Variants in DSCAM observed in about 807,000 individuals in gnomAD.
DSCAM encodes the protein DS cell adhesion molecule.
DSCAM carries 47 observed loss-of-function variants against 217.7 expected under a neutral mutation model. The observed-to-expected ratio is 0.22, with a 90% confidence interval of 0.17 to 0.28. The LOEUF is 0.28. DSCAM is among the 10% of genes least tolerant of loss of function. DSCAM has a pLI of 1.00. For synonymous variants in DSCAM, 1,056 were observed against 1,015.3 expected (o/e 1.04, Z -0.76); for missense variants, 2,080 against 2,618.3 (o/e 0.79, Z 4.49).
At chr21:40,171,860 T>C (rs915128830) in intron 15 of DSCAM, among the ~76,000 whole-genome samples, 3 of 152,190 alleles carry the variant, frequency 2.0e-5, no homozygotes, top group Non-Finnish European at 2.9e-5. Flanking sequence ...AAAATTACAG[T>C]CCAAAGCCGA....
intron 4 of DSCAM, among the ~76,000 whole-genome samples, chr21:40,357,133 T>C (rs1005540282): frequency 6.6e-6 from 1 of 152,286 alleles, no homozygotes; most frequent in East Asian, 1.9e-4. Context: ...TGCATGACTA[T>C]AGGGCTCCAG....
At chr21:40,358,911 A>C (rs1037961953) in intron 4 of DSCAM, among the ~76,000 whole-genome samples, 6 of 152,192 alleles carry the variant, frequency 3.9e-5, no homozygotes, top group African/African-American at 1.4e-4. Context: ...TCCAAAAAAT[A>C]TTAAAAATGC....
At chr21:40,480,531 CAA>C (rs1231215896) in intron 3 of DSCAM, among the ~76,000 whole-genome samples, 2 of 152,084 alleles carry the variant, frequency 1.3e-5, no homozygotes, top group Non-Finnish European at 2.9e-5. Flanking sequence ...GAAACATAGT[CAA>C]GAGGAATTTT....
At chr21:40,102,227 A>C (rs1601331223) in intron 20 of DSCAM, among the ~76,000 whole-genome samples, 1 of 152,330 alleles carries the variant, frequency 6.6e-6, no homozygotes. Context: ...AAGATGCCTA[A>C]AAAATAAATG....
chr21:40,643,285 T>C (rs546949879), intron 3 of DSCAM, among the ~76,000 whole-genome samples: 13 of 152,332 alleles, frequency 8.5e-5, no homozygotes, highest in African/African-American at 2.9e-4. Context: ...CCTGACTTCT[T>C]CTTGTTTTAT....
chr21:40,253,970 G>C (rs1466617665), intron 11 of DSCAM, among the ~76,000 whole-genome samples: 1 of 152,214 alleles, frequency 6.6e-6, no homozygotes, highest in Non-Finnish European at 1.5e-5. Flanking sequence ...CAGAAGTGTG[G>C]GAAGCCTGGG....
intron 3 of DSCAM, among the ~76,000 whole-genome samples, chr21:40,458,229 GA>G (rs570380974): frequency 6.6e-6 from 1 of 152,030 alleles, no homozygotes; most frequent in African/African-American, 2.4e-5. Context: ...AGCAACTGAG[GA>G]AAAAAATGCC....
intron 20 of DSCAM, among the ~76,000 whole-genome samples, chr21:40,104,639 A>G (rs1342395691): frequency 6.6e-6 from 1 of 152,188 alleles, no homozygotes; most frequent in Non-Finnish European, 1.5e-5. Flanking sequence ...GTCATCAAAC[A>G]TTTGTCCAAA....
chr21:40,126,030 T>G (rs1280153275), intron 19 of DSCAM, among the ~76,000 whole-genome samples: 1 of 152,216 alleles, frequency 6.6e-6, no homozygotes, highest in Non-Finnish European at 1.5e-5. Context: ...TTGTATTTGT[T>G]TCCAACCTGT....
chr21:40,428,532 A>G (rs2075498873), intron 3 of DSCAM, among the ~76,000 whole-genome samples: 1 of 152,010 alleles, frequency 6.6e-6, no homozygotes, highest in Non-Finnish European at 1.5e-5. Context: ...AGCCTCCAAA[A>G]GTGCTGGGAT....
rs1568886663 is a variant in DSCAM, at chr21:40,013,210, A to G, written c.5863T>C (p.Ser1955Pro). 1 of 1,613,234 alleles carries G rather than the reference A, an allele frequency of 6.2e-7. No homozygotes were observed. The highest frequency in any genetic ancestry group is 8.5e-7 in the Non-Finnish European group (1 of 1,179,740). Residue 1955 changes from serine (S) to proline (P), a missense_variant, in exon 33 of 33, where the codon TCC (serine) becomes CCC (proline). Physicochemically the swap from Ser to Pro is moderately conservative, Grantham distance 74. Transcript: ENST00000400454. ...CACGACTGTCCTTCTCTCGTGGAGG[A>G]GGCGGAGGAGGCGGCTTCCATCGGG... ...PIPMEAASSA[S>P]STREGQSWQP...
chr21:40,148,729 A>G (rs1163984918), intron 16 of DSCAM, among the ~76,000 whole-genome samples: 1 of 151,956 alleles, frequency 6.6e-6, no homozygotes, highest in Non-Finnish European at 1.5e-5. Flanking sequence ...CACTACTACC[A>G]TCTTTACCAC....
Position 40,758,047 on chromosome 21 carries a change from T to C in DSCAM, c.44-49276A>G, listed in dbSNP as rs564089924. 1.8e-3 allele frequency among the ~76,000 whole-genome samples: 272 copies of C among 152,244 alleles called. 1 individual carries two copies. Among genetic ancestry groups the C allele is most frequent in the African/African-American group, 6.4e-3 (265 of 41,538 alleles). On this transcript the variant is annotated intron_variant, in intron 1 of 32. Coordinates refer to ENST00000400454, the MANE Select transcript of DSCAM (RefSeq NM_001389.5). ...GTTTTCTTATAAGAAGAGGAAAATC[T>C]GGACAAAGACCCAGAGAGGCAGACA... is the stretch of plus-strand genomic sequence containing the variant.
rs577835425 is a variant in DSCAM, at chr21:40,061,484, G to A, written c.4919+1385C>T. The stretch of plus-strand genomic sequence containing the variant: ...CTCGGGAGGCTGAGGCAGGAAAATC[G>A]CTTGAACCTCTGAGGCGGAGGTTGC... On this transcript the variant is annotated intron_variant, in intron 28 of 32. Coordinates refer to ENST00000400454, the MANE Select transcript of DSCAM (RefSeq NM_001389.5). Among the ~76,000 whole-genome samples, 32 of 151,010 alleles carry A rather than the reference G, an allele frequency of 2.1e-4. 1 individual carries two copies. Among genetic ancestry groups the A allele is most frequent in the East Asian group, 1.2e-3 (6 of 5,106 alleles).
At chr21:40,610,340 T>A (rs1278136210) in intron 3 of DSCAM, among the ~76,000 whole-genome samples, 1 of 151,972 alleles carries the variant, frequency 6.6e-6, no homozygotes, top group Non-Finnish European at 1.5e-5. Flanking sequence ...CTACCTTTGG[T>A]TTGCCCCTTC....
At chr21:40,715,978 C>G (rs1325718574) in intron 1 of DSCAM, among the ~76,000 whole-genome samples, 1 of 152,090 alleles carries the variant, frequency 6.6e-6, no homozygotes, top group African/African-American at 2.4e-5. Context: ...TGTATAGTTT[C>G]TTATTGAAAA....
At chr21:40,347,534 TA>T (rs2074571869) in intron 6 of DSCAM, 135 bp downstream of exon 6, 1 of 1,172,626 alleles carries the variant, frequency 8.5e-7, no homozygotes, top group East Asian at 2.4e-5. Flanking sequence ...CTTGAAAAAT[TA>T]GGGTAGAGTA....
chr21:40,166,836 C>T lies in DSCAM; in HGVS notation c.3018+382G>A, dbSNP rs150966871. On this transcript the variant is annotated intron_variant, in intron 16 of 32. Transcript: ENST00000400454. ...GGACTTGGCCTGTTTTCTGCCACCT[C>T]GGTGGACTGTCTGCCACCGCATGCT... Among the ~76,000 whole-genome samples, 13 of 152,172 alleles carry T rather than the reference C, an allele frequency of 8.5e-5. No homozygotes were observed. In the East Asian group the frequency reaches 1.4e-3, roughly 16 times the overall value.
chr21:40,468,910 G>C (rs2075866394), intron 3 of DSCAM, among the ~76,000 whole-genome samples: 1 of 152,138 alleles, frequency 6.6e-6, no homozygotes, highest in South Asian at 2.1e-4. Flanking sequence ...GAGAAAGGTG[G>C]AAAGAGTAGG....
Sources: allele counts gnomAD v4.1 joint callset (sites outside exome capture counted in the v4.1 genomes callset), GRCh38; gene constraint gnomAD v4.1.1; transcripts MANE v1.5; gene names NCBI Gene and HGNC (gene_info 2026-07-23, HGNC 2026-07-21).